OTOP1: variants seen among roughly 807,000 people sequenced by gnomAD.
The protein encoded by OTOP1 is proton channel OTOP1.
Under a neutral mutation model 52.9 loss-of-function variants are expected in OTOP1, and 59 were observed. The ratio of observed to expected loss-of-function variants is 1.12; its 90% CI spans 0.91 to 1.39. The LOEUF is 1.39. Ranked by LOEUF, OTOP1 falls within the 40% of genes most tolerant of loss-of-function variation. The probability of loss-of-function intolerance (pLI) is 0.00; values close to 1 mark genes in which losing one functional copy is unlikely to be tolerated. For synonymous variants in OTOP1, 317 were observed against 337.7 expected (o/e 0.94, Z 0.67); for missense variants, 761 against 800.9 (o/e 0.95, Z 0.60).
In OTOP1 at chr4:4,226,786, C is replaced by A. The variant is rs201197069; in HGVS notation, c.79G>T (p.Ala27Ser). 2,037 of 1,372,576 alleles carry A rather than the reference C, an allele frequency of 1.5e-3. 26 individuals are homozygous for A. The African/African-American group carries it at 0.027, about 18-fold the overall frequency. The allele number at this position is 1,372,576 out of a possible 1,614,324, so 85.0% of individuals were successfully genotyped here. The stretch of plus-strand genomic sequence containing the variant: ...GCCGAGGACGAGGGAGGCGAGCAGG[C>A]CGCTGGCCCCGACGACCCTGCGACC... ...ASVAGSSGPA[A>S]CSPPSSSAPR... Residue 27 changes from alanine to serine, a missense_variant, in exon 1 of 6, where the codon GCC (alanine) becomes TCC (serine). Ala to Ser is a moderately conservative substitution (Grantham distance 99, BLOSUM62 1). Transcript: ENST00000296358.
chr4:4,226,542 A>G lies in OTOP1; in HGVS notation c.323T>C (p.Leu108Pro), dbSNP rs1717439805. 5.0e-6 allele frequency: 8 copies of G among 1,603,040 alleles called. No individual in the cohort carries two copies. The highest frequency in any genetic ancestry group is 1.3e-5 in the African/African-American group (1 of 74,250). ...CGCGGAGCTGCGGCCCACGTACCAC[A>G]GCATCCACAGCAGCTGCAGCAGCAT... The part of the protein sequence containing the change: ...ALMLLQLLWM[L>P]WYVGRSSAHR... Residue 108 changes from leucine to proline, a missense_variant, in exon 1 of 6, where the codon CTG (leucine) becomes CCG (proline). Physicochemically the swap from Leu to Pro is moderately conservative, Grantham distance 98. Coordinates refer to ENST00000296358, the MANE Select transcript of OTOP1 (RefSeq NM_177998.3).
chr4:4,200,793 A>C (rs1716766562), intron 4 of OTOP1, among the ~76,000 whole-genome samples: 1 of 149,260 alleles, frequency 6.7e-6, no homozygotes. Context: ...CCTAGGCTGA[A>C]GCAATGCTCC....
intron 5 of OTOP1, among the ~76,000 whole-genome samples, chr4:4,191,640 C>T (rs553487366): frequency 5.9e-5 from 9 of 152,312 alleles, no homozygotes; most frequent in Non-Finnish European, 8.8e-5. Context: ...CACCCTTCAG[C>T]GAGGCCTTCT....
intron 5 of OTOP1, among the ~76,000 whole-genome samples, chr4:4,193,790 G>A (rs922505858): frequency 6.6e-6 from 1 of 152,200 alleles, no homozygotes; most frequent in African/African-American, 2.4e-5. Flanking sequence ...TTCGGACAGT[G>A]CTATCTTTCT....
intron 1 of OTOP1, among the ~76,000 whole-genome samples, chr4:4,213,481 A>G (rs1451978379): frequency 1.3e-5 from 2 of 152,252 alleles, no homozygotes; most frequent in Non-Finnish European, 2.9e-5. Context: ...AAACATTAGC[A>G]AATTATATAT....
chr4:4,202,662 T>C, intron 3 of OTOP1, 84 bp from the exon 4 acceptor site: 3 of 1,519,504 alleles, frequency 2.0e-6, no homozygotes, highest in Non-Finnish European at 2.7e-6. Context: ...TGCACACAAA[T>C]ACATGGCTCC....
In OTOP1 at chr4:4,218,975, G is replaced by A. The variant is rs536861928; in HGVS notation, c.404-5971C>T. On this transcript the variant is annotated intron_variant, in intron 1 of 5. Coordinates refer to ENST00000296358, the MANE Select transcript of OTOP1 (RefSeq NM_177998.3). Reference sequence around the variant, plus strand: ...TATGCATCTGATTATGAGAGTGAGGGAAGAAAAAAATGGCCATTAATGGAA... The same window carrying A: ...TATGCATCTGATTATGAGAGTGAGGAAAGAAAAAAATGGCCATTAATGGAA... Among the ~76,000 whole-genome samples the A allele has an allele frequency of 4.5e-3, 666 of 149,406 alleles. 5 individuals are homozygous for A. Among genetic ancestry groups the A allele is most frequent in the African/African-American group, 0.016 (640 of 40,608 alleles).
chr4:4,199,337 T>C (rs1441654084), intron 4 of OTOP1, among the ~76,000 whole-genome samples: 1 of 145,846 alleles, frequency 6.9e-6, no homozygotes, highest in Non-Finnish European at 1.5e-5. Flanking sequence ...ATCACAACAA[T>C]GAGATACTAA....
rs372448888 is a variant in OTOP1, at chr4:4,212,914, G to A, written c.494C>T (p.Thr165Ile). 35 of 1,614,008 alleles carry A rather than the reference G, an allele frequency of 2.2e-5. No homozygotes were observed. Among genetic ancestry groups the A allele is most frequent in the Non-Finnish European group, 2.8e-5 (33 of 1,179,996 alleles). The change falls in exon 2 of 6, where the codon ACT becomes ATT. Residue 165 changes from threonine to isoleucine, a missense_variant. Coordinates refer to ENST00000296358, the MANE Select transcript of OTOP1 (RefSeq NM_177998.3). Reference protein sequence around the residue: ...FIGFSECLSATEGVFPVTHSV... With the variant: ...FIGFSECLSAIEGVFPVTHSV... Reference sequence around the variant, plus strand: ...ATGGGTGACTGGGAAAACTCCTTCAGTGGCTGATAAACATTCTGAAAATCC... The same window carrying A: ...ATGGGTGACTGGGAAAACTCCTTCAATGGCTGATAAACATTCTGAAAATCC...
Position 4,226,452 on chromosome 4 carries a change from C to A in OTOP1, c.403+10G>T, listed in dbSNP as rs1455190657. On this transcript the variant is annotated intron_variant, in intron 1 of 5. Coordinates refer to ENST00000296358, the MANE Select transcript of OTOP1 (RefSeq NM_177998.3). ...AGGCGGAGACCCGCTCGCCCGGCGC[C>A]TGGACTCACCGCGCAGCCAGCCGGC... 2 of 1,465,836 alleles carry A rather than the reference C, an allele frequency of 1.4e-6. No homozygotes were observed. The highest frequency in any genetic ancestry group is 9.0e-7 in the Non-Finnish European group (1 of 1,115,046). 90.8% of individuals were successfully genotyped at this position (1,465,836 alleles called of 1,614,324 possible).
intron 1 of OTOP1, among the ~76,000 whole-genome samples, chr4:4,217,905 T>A (rs1318938264): frequency 1.3e-5 from 2 of 152,004 alleles, no homozygotes. Flanking sequence ...TGTGGAAAGC[T>A]GGAGGAGGGT....
chr4:4,208,507 G>A (rs1716956869), intron 2 of OTOP1, among the ~76,000 whole-genome samples: 1 of 152,166 alleles, frequency 6.6e-6, no homozygotes, highest in Non-Finnish European at 1.5e-5. Context: ...GTTATGCTGT[G>A]AGAAATAAGC....
chr4:4,205,358 T>A (rs182791271), intron 3 of OTOP1, among the ~76,000 whole-genome samples: 1 of 152,226 alleles, frequency 6.6e-6, no homozygotes. Context: ...CAGGGGACAT[T>A]GCCTCTCCCT....
chr4:4,197,243 G>A lies in OTOP1; in HGVS notation c.1591C>T (p.Pro531Ser). Residue 531 changes from proline (P) to serine (S), a missense_variant, in exon 5 of 6, where the codon CCC becomes TCC. Physicochemically the swap from Pro to Ser is moderately conservative, Grantham distance 74. Around this residue, in one of 3 missense-constraint regions of OTOP1, gnomAD observed 632 missense variants for 619.5 expected, o/e 1.02. Coordinates refer to ENST00000296358, the MANE Select transcript of OTOP1 (RefSeq NM_177998.3). ...TTGGCGTTGCCCTGTAAGAAACGGGGAAGGCGGACTGGGCTTGGGCTCCCT... is the reference window on the plus strand; with the variant it reads ...TTGGCGTTGCCCTGTAAGAAACGGGAAAGGCGGACTGGGCTTGGGCTCCCT... Reference protein sequence around the residue: ...WGGSPSPVRLPRFLQGNAKRK... With the variant: ...WGGSPSPVRLSRFLQGNAKRK... 6.2e-7 allele frequency: 1 copy of A among 1,614,186 alleles called. No homozygotes were observed. The highest frequency in any genetic ancestry group is 2.2e-5 in the East Asian group (1 of 44,886).
intron 4 of OTOP1, among the ~76,000 whole-genome samples, 197 bp downstream of exon 4, chr4:4,202,251 A>G (rs1289068582): frequency 6.6e-6 from 1 of 152,218 alleles, no homozygotes; most frequent in Non-Finnish European, 1.5e-5. Flanking sequence ...ACCTTTAATT[A>G]TGCTCAGTAC....
intron 3 of OTOP1, 25 bp downstream of exon 3, chr4:4,206,047 T>C (rs1367754623): frequency 1.3e-6 from 2 of 1,570,048 alleles, no homozygotes; most frequent in South Asian, 2.2e-5. Context: ...ATTCAACATA[T>C]AAAGCAATTA....
At chr4:4,210,991 C>T (rs1717014115) in intron 2 of OTOP1, among the ~76,000 whole-genome samples, 3 of 152,182 alleles carry the variant, frequency 2.0e-5, no homozygotes, top group African/African-American at 4.8e-5. Context: ...GGGGATACAA[C>T]TCAGTCCATA....
chr4:4,226,121 G>C (rs921332709), intron 1 of OTOP1, among the ~76,000 whole-genome samples: 6 of 152,224 alleles, frequency 3.9e-5, no homozygotes, highest in African/African-American at 1.4e-4. Context: ...CCGAGTGCTA[G>C]AAGGCTCTGA....
chr4:4,202,333 G>A, intron 4 of OTOP1, 115 bp downstream of exon 4: 4 of 1,426,190 alleles, frequency 2.8e-6, no homozygotes, highest in Non-Finnish European at 3.9e-6. Flanking sequence ...ATGCTGAGTT[G>A]GGTGGCCCTG....
Sources: allele counts gnomAD v4.1 joint callset (sites outside exome capture counted in the v4.1 genomes callset), GRCh38; gene constraint gnomAD v4.1.1; regional missense constraint gnomAD v4.1.1; transcripts MANE v1.5; gene names NCBI Gene and HGNC (gene_info 2026-07-23, HGNC 2026-07-21).